Variants in AGMO observed in about 807,000 individuals in gnomAD.
AGMO encodes the protein alkylglycerol monooxygenase.
A neutral mutation model predicts 60.2 loss-of-function variants in AGMO; 75 were observed. The observed-to-expected ratio is 1.25, with a 90% CI of 1.03 to 1.51. The LOEUF is 1.51. AGMO is among the 40% of genes most tolerant of loss of function. The probability of loss-of-function intolerance (pLI) is 0.00; values close to 1 mark genes in which losing one functional copy is unlikely to be tolerated. For synonymous variants in AGMO, 261 were observed against 177.1 expected, an observed-to-expected ratio of 1.47 and a Z score of -3.76; for missense variants, 763 against 525.5, an observed-to-expected ratio of 1.45 and a Z score of -4.42.
intron 3 of AGMO, among the ~76,000 whole-genome samples, chr7:15,447,676 A>G (rs1244913405): frequency 6.6e-6 from 1 of 151,912 alleles, no homozygotes; most frequent in African/African-American, 2.4e-5. Context: ...TGAGCCTCGC[A>G]GGTAGCTGGG....
chr7:15,525,493 TC>T (rs1381543314), intron 3 of AGMO, among the ~76,000 whole-genome samples: 1 of 151,996 alleles, frequency 6.6e-6, no homozygotes, highest in Non-Finnish European at 1.5e-5. Context: ...CAGCATGCAC[TC>T]CCCAATTCTG....
At chr7:15,171,688 T>G in the AGMO span, among the ~76,000 whole-genome samples, 3 of 152,244 alleles carry the variant, frequency 2.0e-5, no homozygotes, top group African/African-American at 7.2e-5. Context: ...TTAAATTGGC[T>G]GTCTAGTATT....
rs187119765 is a variant in AGMO at position 15,257,142 on chromosome 7, C to T, written c.1264-55783G>A. Among the ~76,000 whole-genome samples the T allele has an allele frequency of 2.6e-5, 4 of 152,112 alleles. No homozygotes were observed. In the East Asian group the frequency reaches 5.8e-4, roughly 22 times the overall value. ...ATTTTACTTTAAAAAAAGTTTCAAG[C>T]AACATGGATAATAATTCACGAACTC... On this transcript the variant is annotated intron_variant, in intron 12 of 12. Transcript: ENST00000342526.
At chr7:15,561,332 A>G (rs1785298239) in intron 1 of AGMO, among the ~76,000 whole-genome samples, 1 of 152,212 alleles carries the variant, frequency 6.6e-6, no homozygotes, top group Non-Finnish European at 1.5e-5. Context: ...TGAAAGAGGA[A>G]ATAGTTTCCC....
At chr7:15,441,344 G>A (rs1201670644) in intron 3 of AGMO, among the ~76,000 whole-genome samples, 1 of 152,134 alleles carries the variant, frequency 6.6e-6, no homozygotes, top group Non-Finnish European at 1.5e-5. Context: ...TTTTTATGTT[G>A]CATGAAAATC....
chr7:15,280,949 C>A (rs1783948124), intron 12 of AGMO, among the ~76,000 whole-genome samples: 5 of 152,196 alleles, frequency 3.3e-5, no homozygotes, highest in African/African-American at 1.2e-4. Flanking sequence ...GGTCACATCA[C>A]TGGATTTCTT....
At chr7:15,512,078 A>G (rs916311119) in intron 3 of AGMO, among the ~76,000 whole-genome samples, 4 of 152,216 alleles carry the variant, frequency 2.6e-5, no homozygotes, top group Middle Eastern at 6.8e-3. Context: ...TAAGATAACT[A>G]TGACTTCTTT....
At chr7:15,339,817 A>C (rs1367887940) in intron 12 of AGMO, among the ~76,000 whole-genome samples, 1 of 152,224 alleles carries the variant, frequency 6.6e-6, no homozygotes, top group Non-Finnish European at 1.5e-5. Context: ...AAAGCATGAT[A>C]TTTCTAAAAG....
intron 12 of AGMO, chr7:15,306,558 G>C (rs1780620285): frequency 2.4e-6 from 1 of 409,648 alleles, no homozygotes; most frequent in South Asian, 1.7e-5. Flanking sequence ...ACTTATAACA[G>C]AATATGACTG....
intron 12 of AGMO, among the ~76,000 whole-genome samples, chr7:15,232,959 G>A (rs930903525): frequency 6.6e-6 from 1 of 152,018 alleles, no homozygotes; most frequent in African/African-American, 2.4e-5. Context: ...AGAGAAAACT[G>A]AACAAAGCAT....
chr7:15,481,759 T>C (rs935305781), intron 3 of AGMO, among the ~76,000 whole-genome samples: 1 of 151,234 alleles, frequency 6.6e-6, no homozygotes, highest in East Asian at 1.9e-4. Context: ...AGTGCCCTGA[T>C]GCATTTATGC....
intron 2 of AGMO, among the ~76,000 whole-genome samples, chr7:15,545,564 G>A (rs1784756693): frequency 6.6e-6 from 1 of 151,638 alleles, no homozygotes. Flanking sequence ...TTTCTTATAA[G>A]TAATATAAAC....
chr7:15,436,128 A>T (rs1292331143), intron 3 of AGMO, among the ~76,000 whole-genome samples: 2 of 152,212 alleles, frequency 1.3e-5, no homozygotes, highest in Non-Finnish European at 2.9e-5. Context: ...GATGCTTGAC[A>T]CCACTGAAAT....
intron 12 of AGMO, among the ~76,000 whole-genome samples, chr7:15,259,053 A>G (rs1783190673): frequency 6.6e-6 from 1 of 152,134 alleles, no homozygotes; most frequent in South Asian, 2.1e-4. Flanking sequence ...AATCCAAATT[A>G]AGAAGAAACC....
chr7:15,325,242 C>T (rs754941365), intron 12 of AGMO, among the ~76,000 whole-genome samples: 3 of 151,940 alleles, frequency 2.0e-5, no homozygotes, highest in Admixed American at 6.6e-5. Flanking sequence ...ATATCTGCAT[C>T]GTGACTTTAC....
chr7:15,467,082 C>A (rs986246967), intron 3 of AGMO, among the ~76,000 whole-genome samples: 1 of 152,010 alleles, frequency 6.6e-6, no homozygotes, highest in African/African-American at 2.4e-5. Flanking sequence ...TATAATACTG[C>A]TGAATTTAAA....
intron 12 of AGMO, among the ~76,000 whole-genome samples, chr7:15,224,542 C>T (rs1041823834): frequency 4.6e-5 from 7 of 151,922 alleles, no homozygotes; most frequent in Admixed American, 4.6e-4. Flanking sequence ...CTTTCCAGCC[C>T]CCAGAACCAT....
At chr7:15,497,835 G>A (rs1369377316) in intron 3 of AGMO, among the ~76,000 whole-genome samples, 1 of 151,932 alleles carries the variant, frequency 6.6e-6, no homozygotes. Context: ...AGATTGGGTT[G>A]GATAAGCTGA....
intron 12 of AGMO, among the ~76,000 whole-genome samples, chr7:15,359,049 G>A (rs924218790): frequency 6.6e-6 from 1 of 151,966 alleles, no homozygotes; most frequent in African/African-American, 2.4e-5. Flanking sequence ...CAGCACTTTG[G>A]GAGGCCAAGA....
Sources: gnomAD v4.1 joint callset for allele counts (sites outside exome capture counted in the v4.1 genomes callset) on GRCh38, gnomAD v4.1.1 for gene constraint, MANE v1.5 for transcripts, NCBI Gene and HGNC (gene_info 2026-07-23, HGNC 2026-07-21) for gene names.